MDGA2: variants seen among roughly 807,000 people sequenced by gnomAD.
MDGA2 encodes MAM domain-containing glycosylphosphatidylinositol anchor protein 2.
In MDGA2, 40 loss-of-function variants were observed where a neutral mutation model predicts 117.8. The ratio of observed to expected loss-of-function variants is 0.34; its 90% CI spans 0.26 to 0.44. MDGA2 has a LOEUF of 0.44. Among genes scored for constraint, MDGA2 ranks in the 20% least tolerant of loss-of-function variants. The pLI is 1.00. For synonymous variants in MDGA2, 452 were observed against 439.0 expected, an observed-to-expected ratio of 1.03 and a Z score of -0.37; for missense variants, 1,123 against 1,250.6, an observed-to-expected ratio of 0.90 and a Z score of 1.54.
At chr14:47,300,177 T>A (rs879865211) in intron 2 of MDGA2, among the ~76,000 whole-genome samples, 1 of 152,192 alleles carries the variant, frequency 6.6e-6, no homozygotes, top group Non-Finnish European at 1.5e-5. Context: ...TCATAAAATC[T>A]CCACATTACT....
At chr14:46,910,322 AT>A (rs1407836264) in intron 10 of MDGA2, among the ~76,000 whole-genome samples, 2 of 151,994 alleles carry the variant, frequency 1.3e-5, no homozygotes, top group Non-Finnish European at 2.9e-5. Flanking sequence ...ATGCTATTTC[AT>A]TTGAAAAAAA....
intron 9 of MDGA2, among the ~76,000 whole-genome samples, chr14:46,949,120 T>G (rs571063013): frequency 1.3e-5 from 2 of 152,218 alleles, no homozygotes; most frequent in South Asian, 4.1e-4. Flanking sequence ...AGCAGATTTA[T>G]CATCTCCCAT....
chr14:47,442,735 G>C (rs1360114878), intron 1 of MDGA2, among the ~76,000 whole-genome samples: 1 of 151,994 alleles, frequency 6.6e-6, no homozygotes, highest in Non-Finnish European at 1.5e-5. Flanking sequence ...CTGTGTATTC[G>C]AGCCCCCGCT....
chr14:47,432,667 GA>G (rs1180797051), intron 1 of MDGA2, among the ~76,000 whole-genome samples: 1 of 151,706 alleles, frequency 6.6e-6, no homozygotes, highest in Non-Finnish European at 1.5e-5. Context: ...TATAAAATTT[GA>G]AAAAAAGAAA....
Position 47,485,151 on chromosome 14 carries a change from T to G in MDGA2, c.281-183601A>C, listed in dbSNP as rs549090830. On this transcript the variant is annotated intron_variant, in intron 1 of 16. Coordinates refer to ENST00000399232, the MANE Select transcript of MDGA2 (RefSeq NM_001113498.3). ...AGTTTGGAACTTCCCAGAGACTTGTTGAATGGCTTTGAGAATAATGCTGAT... is the reference window on the plus strand; with the variant it reads ...AGTTTGGAACTTCCCAGAGACTTGTGGAATGGCTTTGAGAATAATGCTGAT... 2.0e-5 allele frequency among the ~76,000 whole-genome samples: 3 copies of G among 152,238 alleles called. No homozygotes were observed. The South Asian group carries it at 6.2e-4, about 32-fold the overall frequency.
intron 1 of MDGA2, among the ~76,000 whole-genome samples, chr14:47,590,384 G>A (rs1035646938): frequency 1.3e-5 from 2 of 151,822 alleles, no homozygotes; most frequent in Non-Finnish European, 2.9e-5. Flanking sequence ...GATCCCTAAG[G>A]ATGAGTTGGA....
intron 1 of MDGA2, among the ~76,000 whole-genome samples, chr14:47,620,132 GA>G (rs1897023353): frequency 6.6e-6 from 1 of 152,240 alleles, no homozygotes. Context: ...CATGTAATAT[GA>G]AAACCAAGGC....
At chr14:47,254,649 A>C (rs905972221) in intron 2 of MDGA2, among the ~76,000 whole-genome samples, 1 of 152,120 alleles carries the variant, frequency 6.6e-6, no homozygotes, top group Non-Finnish European at 1.5e-5. Context: ...AATCTTTCCC[A>C]CATTTTCCTA....
chr14:47,198,454 C>T (rs1885368838), intron 3 of MDGA2, among the ~76,000 whole-genome samples: 1 of 152,102 alleles, frequency 6.6e-6, no homozygotes, highest in Non-Finnish European at 1.5e-5. Flanking sequence ...CACCTGTAGT[C>T]CCAGCTACTC....
chr14:46,899,592 A>C (rs1176664802), intron 10 of MDGA2, among the ~76,000 whole-genome samples: 1 of 151,788 alleles, frequency 6.6e-6, no homozygotes, highest in Non-Finnish European at 1.5e-5. Flanking sequence ...CAACCATGAT[A>C]AATAATGATA....
At chr14:47,120,253 T>A (rs1405936953) in intron 5 of MDGA2, among the ~76,000 whole-genome samples, 1 of 152,158 alleles carries the variant, frequency 6.6e-6, no homozygotes, top group Non-Finnish European at 1.5e-5. Flanking sequence ...ATTATTTCCA[T>A]GCTTGTGAAA....
At chr14:46,956,989 G>GT (rs1174208333) in intron 9 of MDGA2, among the ~76,000 whole-genome samples, 2 of 152,108 alleles carry the variant, frequency 1.3e-5, no homozygotes, top group Non-Finnish European at 2.9e-5. Flanking sequence ...TGCCATGACT[G>GT]TAAGTTTCCT....
At chr14:47,359,807 A>G (rs1891077489) in intron 1 of MDGA2, among the ~76,000 whole-genome samples, 1 of 151,834 alleles carries the variant, frequency 6.6e-6, no homozygotes, top group African/African-American at 2.4e-5. Flanking sequence ...GTCTCTTTAT[A>G]CCATCCTTAG....
rs945246176 is a variant in MDGA2 at position 47,165,518 on chromosome 14, T to C, written c.596-21244A>G. ...AACTCCTTCAGGACTGTAGAGGTGA[T>C]GATAGAAGCAGGGGAGGTAAGGGAT... is the stretch of plus-strand genomic sequence containing the variant. On this transcript the variant is annotated intron_variant, in intron 3 of 16. Coordinates refer to ENST00000399232, the MANE Select transcript of MDGA2 (RefSeq NM_001113498.3). Among the ~76,000 whole-genome samples the C allele has an allele frequency of 1.1e-4, 17 of 152,288 alleles. No individual in the cohort carries two copies. In the East Asian group the frequency reaches 2.1e-3, roughly 19 times the overall value.
chr14:47,037,229 T>G (rs1326512715), intron 7 of MDGA2, among the ~76,000 whole-genome samples: 8 of 152,244 alleles, frequency 5.3e-5, no homozygotes, highest in Non-Finnish European at 8.8e-5. Context: ...ATTATCCCCC[T>G]ACTATGTGAC....
chr14:47,570,109 G>C (rs1443523791), intron 1 of MDGA2, among the ~76,000 whole-genome samples: 1 of 152,042 alleles, frequency 6.6e-6, no homozygotes, highest in Non-Finnish European at 1.5e-5. Flanking sequence ...AATGTGTCCA[G>C]ATAAGATGCC....
At chr14:47,026,387 T>C (rs1326213704) in intron 8 of MDGA2, among the ~76,000 whole-genome samples, 6 of 152,152 alleles carry the variant, frequency 3.9e-5, no homozygotes, top group Admixed American at 3.9e-4. Flanking sequence ...CTGAAGTTCT[T>C]TGAATTTATT....
At chr14:47,239,487 G>C (rs1289517719) in intron 2 of MDGA2, among the ~76,000 whole-genome samples, 1 of 151,778 alleles carries the variant, frequency 6.6e-6, no homozygotes, top group Non-Finnish European at 1.5e-5. Flanking sequence ...AATATGCTTT[G>C]ATCAATTTGA....
intron 1 of MDGA2, among the ~76,000 whole-genome samples, chr14:47,455,994 C>T (rs1566465749): frequency 6.7e-6 from 1 of 150,316 alleles, no homozygotes; most frequent in East Asian, 2.0e-4. Context: ...GAGACTCTGT[C>T]TCAAAAAATA....
Sources: gnomAD v4.1 joint callset for allele counts (sites outside exome capture counted in the v4.1 genomes callset) on GRCh38, gnomAD v4.1.1 for gene constraint, MANE v1.5 for transcripts, NCBI Gene and HGNC (gene_info 2026-07-23, HGNC 2026-07-21) for gene names.